SEZ6L2: variants seen among roughly 807,000 people sequenced by gnomAD.
SEZ6L2 encodes seizure related 6 homolog like 2.
Under a neutral mutation model 97.0 loss-of-function variants are expected in SEZ6L2, and 44 were observed. The ratio of observed to expected loss-of-function variants is 0.45; its 90% CI spans 0.36 to 0.58. SEZ6L2 has a LOEUF of 0.58. SEZ6L2 is among the 20% of genes least tolerant of loss of function. SEZ6L2 has a pLI of 0.00. For missense variants in SEZ6L2, 1,086 were observed against 1,233.3 expected (o/e 0.88, Z 1.79); for synonymous variants, 543 against 546.1 (o/e 0.99, Z 0.08).
At chr16:29,885,462 T>A in intron 8 of SEZ6L2, 124 bp downstream of exon 8, 1 of 1,037,304 alleles carries the variant, frequency 9.6e-7, no homozygotes, top group Non-Finnish European at 1.4e-6. Context: ...GGGAAGCGAG[T>A]CACGTTTCAA....
chr16:29,882,023 T>G (rs1469659369), intron 8 of SEZ6L2, among the ~76,000 whole-genome samples: 3 of 150,864 alleles, frequency 2.0e-5, no homozygotes, highest in African/African-American at 4.9e-5. Flanking sequence ...CAGGCTGGAG[T>G]GCAGTGGCAT....
rs2067845642 is a variant in SEZ6L2 at position 29,873,977 on chromosome 16, A to G, written c.2105-248T>C. 6.6e-6 allele frequency among the ~76,000 whole-genome samples: 1 copy of G among 152,086 alleles called. No individual in the cohort carries two copies. The highest frequency in any genetic ancestry group is 1.5e-5 in the Non-Finnish European group (1 of 68,010). On this transcript the variant is annotated intron_variant, in intron 12 of 17. Transcript: ENST00000617533. This position sits in a 1 kb window ranked among gnomAD's most constrained non-coding sequence, Gnocchi z 4.3. The stretch of plus-strand genomic sequence containing the variant: ...TGACAGAGTGAGACCCAGTCTAAAA[A>G]AAATAAAAGAAAATCTCCCAGAAGC...
chr16:29,896,863 A>G lies in SEZ6L2; in HGVS notation c.470T>C (p.Ile157Thr). 6.2e-7 allele frequency: 1 copy of G among 1,612,190 alleles called. No individual in the cohort carries two copies. Among genetic ancestry groups the G allele is most frequent in the Non-Finnish European group, 8.5e-7 (1 of 1,179,294 alleles). The change falls in exon 3 of 18, where the codon ATC becomes ACC. Residue 157 changes from isoleucine (I) to threonine (T), a missense_variant. This residue lies in a region of SEZ6L2 where 776 missense variants were observed against 794.7 expected (regional missense o/e 0.98). Transcript: ENST00000617533. Reference sequence around the variant, plus strand: ...AGTGGTAACAGTTGTCGTGGTGATGATGGTGGTCGTCGTCTCCTCCTCTCC... The same window carrying G: ...AGTGGTAACAGTTGTCGTGGTGATGGTGGTGGTCGTCGTCTCCTCCTCTCC... ...EGGEEETTTTIITTTTVTTTV... is the reference protein window; with the variant it reads ...EGGEEETTTTTITTTTVTTTV...
intron 8 of SEZ6L2, among the ~76,000 whole-genome samples, chr16:29,885,072 GT>G (rs1451477664): frequency 1.3e-5 from 2 of 152,050 alleles, no homozygotes; most frequent in African/African-American, 4.8e-5. Context: ...GTCGGGCGCG[GT>G]GGCGGGTGCC....
rs768517569 is a variant in SEZ6L2 at position 29,879,092 on chromosome 16, G to A, written c.1574-667C>T. On this transcript the variant is annotated intron_variant, in intron 9 of 17. Coordinates refer to ENST00000617533, the MANE Select transcript of SEZ6L2 (RefSeq NM_001243332.2). ...TAATTTTTGTATTTTTAGTAGAGACGGGGTTTCACTCTATTGACCAGGCTG... is the reference window on the plus strand; with the variant it reads ...TAATTTTTGTATTTTTAGTAGAGACAGGGTTTCACTCTATTGACCAGGCTG... Among the ~76,000 whole-genome samples, 38 of 151,122 alleles carry A rather than the reference G, an allele frequency of 2.5e-4. 3 individuals carry two copies. The highest frequency in any genetic ancestry group is 1.2e-3 in the Admixed American group (18 of 15,168).
intron 17 of SEZ6L2, 88 bp downstream of exon 17, chr16:29,872,099 A>G: frequency 8.9e-7 from 1 of 1,129,824 alleles, no homozygotes; most frequent in Non-Finnish European, 1.3e-6. Context: ...GAAATTCCCA[A>G]GACAGAGATT....
chr16:29,895,575 G>T, intron 4 of SEZ6L2, 115 bp from the exon 5 acceptor site: 3 of 1,411,644 alleles, frequency 2.1e-6, no homozygotes, highest in Non-Finnish European at 2.9e-6. Context: ...CCACGCTGCT[G>T]CCCAAGTTGT....
At position 29,899,020 on chromosome 16, in the gene SEZ6L2, GGC is replaced by G. The variant is rs781412912; in HGVS notation, c.-3_-2del. The G allele has an allele frequency of 6.2e-7, 1 of 1,607,926 alleles. No homozygotes were observed. Among genetic ancestry groups the G allele is most frequent in the Non-Finnish European group, 8.5e-7 (1 of 1,178,152 alleles). On this transcript the variant is annotated 5_prime_UTR_variant, in exon 1 of 18. Transcript: ENST00000617533. Reference sequence around the variant, plus strand: ...GGTGCTGGGCCCTGGGAGTCCCCATGGCGACTCACCCCGATCTCTCTCCTCTG... The same window carrying G: ...GGTGCTGGGCCCTGGGAGTCCCCATGGACTCACCCCGATCTCTCTCCTCTG...
intron 5 of SEZ6L2, among the ~76,000 whole-genome samples, chr16:29,893,428 CTT>C (rs1220343094): frequency 6.6e-6 from 1 of 151,986 alleles, no homozygotes; most frequent in Non-Finnish European, 1.5e-5. Context: ...GGGTGGATCA[CTT>C]GAGGTCAGGA....
At chr16:29,872,035 T>G (rs1396828008) in intron 17 of SEZ6L2, 152 bp downstream of exon 17, 2 of 666,694 alleles carry the variant, frequency 3.0e-6, no homozygotes, top group Non-Finnish European at 5.1e-6. Context: ...CTCCCTATTG[T>G]ATACACATGG....
In SEZ6L2 at chr16:29,876,692, A is replaced by C; in HGVS notation, c.2104+64T>G. 3 of 1,431,736 alleles carry C rather than the reference A, an allele frequency of 2.1e-6. No homozygotes were observed. The highest frequency in any genetic ancestry group is 2.8e-6 in the Non-Finnish European group (3 of 1,071,388). The allele number at this position is 1,431,736 out of a possible 1,614,324, so 88.7% of individuals were successfully genotyped here. A position where few individuals can be genotyped will look rare whatever the true frequency, so the allele number is the denominator to read the frequency against. ...GAAAGCACGGGGGTCGGGACAGGAC[A>C]GGCCGACGACGGGGCCCACAGGGAA... On this transcript the variant is annotated intron_variant, in intron 12 of 17. Coordinates refer to ENST00000617533, the MANE Select transcript of SEZ6L2 (RefSeq NM_001243332.2). This position sits in a 1 kb window ranked among gnomAD's most constrained non-coding sequence, Gnocchi z 6.5.
intron 12 of SEZ6L2, among the ~76,000 whole-genome samples, chr16:29,875,214 T>G (rs2067877601): frequency 6.6e-6 from 1 of 152,136 alleles, no homozygotes; most frequent in South Asian, 2.1e-4. Context: ...GAGAGGCCAA[T>G]GTCACTGTCA....
rs2068198161 is a variant in SEZ6L2 at position 29,888,588 on chromosome 16, G to A, written c.991C>T (p.Leu331Phe). ...TTCCAGGATGGCCGGGTGCCATTGA[G>A]GCAGATGAGGGTCTCCTCTCCCTGC... ...QLQGEETLIC[L>F]NGTRPSWNGE... is the part of the protein sequence containing the mutation. Residue 331 changes from leucine to phenylalanine, a missense_variant, in exon 6 of 18, where the codon CTC becomes TTC. Coordinates refer to ENST00000617533, the MANE Select transcript of SEZ6L2 (RefSeq NM_001243332.2). 5.0e-6 allele frequency: 8 copies of A among 1,614,062 alleles called. No individual in the cohort carries two copies. The highest frequency in any genetic ancestry group is 6.8e-6 in the Non-Finnish European group (8 of 1,180,002).
At chr16:29,895,594 A>G in intron 4 of SEZ6L2, 127 bp downstream of exon 4, 1 of 1,426,260 alleles carries the variant, frequency 7.0e-7, no homozygotes, top group Non-Finnish European at 9.5e-7. Context: ...GTAGAAATCT[A>G]GAAGAGTTTT....
chr16:29,871,518 G>A lies in SEZ6L2; in HGVS notation c.*181C>T. ...TGAGAAGAGGCGGCTTTGGGCGGCA[G>A]GATGCTGGTTTATTTACTGTAGGAT... On this transcript the variant is annotated 3_prime_UTR_variant, in exon 18 of 18. Coordinates refer to ENST00000617533, the MANE Select transcript of SEZ6L2 (RefSeq NM_001243332.2). 1 of 667,784 alleles carries A rather than the reference G, an allele frequency of 1.5e-6. No individual in the cohort carries two copies. Among genetic ancestry groups the A allele is most frequent in the East Asian group, 2.7e-5 (1 of 36,580 alleles). 41.4% of individuals were successfully genotyped at this position (667,784 alleles called of 1,614,324 possible).
In SEZ6L2 at chr16:29,885,635, C is replaced by T. The variant is rs889310613; in HGVS notation, c.1323G>A (p.Leu441=). ...ISDAQSLYVE[L]LSETPANPLL... Reference sequence around the variant, plus strand: ...GGGGATTGGCAGGTGTCTCTGACAGCAGCTCCACGTAGAGGGACTGGGCGT... The same window carrying T: ...GGGGATTGGCAGGTGTCTCTGACAGTAGCTCCACGTAGAGGGACTGGGCGT... Residue 441 remains leucine, a synonymous_variant, in exon 8 of 18, where the codon CTG becomes CTA. Coordinates refer to ENST00000617533, the MANE Select transcript of SEZ6L2 (RefSeq NM_001243332.2). 4 of 1,613,968 alleles carry T rather than the reference C, an allele frequency of 2.5e-6. No homozygotes were observed. In the African/African-American group the frequency reaches 5.3e-5, roughly 22 times the overall value.
At position 29,885,125 on chromosome 16, in the gene SEZ6L2, G is replaced by A. The variant is rs191552871; in HGVS notation, c.1372+461C>T. Among the ~76,000 whole-genome samples the A allele has an allele frequency of 3.3e-5, 5 of 152,090 alleles. No homozygotes were observed. The East Asian group carries it at 5.8e-4, about 18-fold the overall frequency. On this transcript the variant is annotated intron_variant, in intron 8 of 17. Coordinates refer to ENST00000617533, the MANE Select transcript of SEZ6L2 (RefSeq NM_001243332.2). ...CGGGAGGCTGAGGCAGGAGAATGGC[G>A]TGAACCCGGAAGGCGGAGCTTGCAG...
At chr16:29,895,600 G>A in intron 4 of SEZ6L2, 121 bp downstream of exon 4, 3 of 1,430,918 alleles carry the variant, frequency 2.1e-6, no homozygotes, top group Non-Finnish European at 2.8e-6. Context: ...ATCTAGAAGA[G>A]TTTTTGAGGT....
chr16:29,879,916 T>C lies in SEZ6L2; in HGVS notation c.1521A>G (p.Glu507=). 6.2e-7 allele frequency: 1 copy of C among 1,613,822 alleles called. No individual in the cohort carries two copies. The highest frequency in any genetic ancestry group is 8.5e-7 in the Non-Finnish European group (1 of 1,179,806). Reference sequence around the variant, plus strand: ...AGTGGGGTTCTGTGGGATCCACACATTCGATGGCATTGGGGGGCCCAGGGG... The same window carrying C: ...AGTGGGGTTCTGTGGGATCCACACACTCGATGGCATTGGGGGGCCCAGGGG... ...LEPPGPPNAI[E]CVDPTEPHWN... Residue 507 remains glutamate (E), a synonymous_variant, in exon 9 of 18, where the codon GAA becomes GAG. Transcript: ENST00000617533.
Sources: gnomAD v4.1 joint callset for allele counts (sites outside exome capture counted in the v4.1 genomes callset) on GRCh38, gnomAD v4.1.1 for gene constraint, gnomAD v4.1.1 regional missense constraint, Gnocchi (gnomAD v3.1) non-coding constraint, MANE v1.5 for transcripts, NCBI Gene and HGNC (gene_info 2026-07-23, HGNC 2026-07-21) for gene names.